Variants in CTNND2 observed in about 807,000 individuals in gnomAD.
CTNND2 encodes catenin delta-2.
Under a neutral mutation model 144.4 loss-of-function variants are expected in CTNND2, and 22 were observed. The ratio of observed to expected loss-of-function variants is 0.15; its 90% CI spans 0.11 to 0.22. The LOEUF (loss-of-function observed/expected upper bound fraction) is 0.22. Ranked by LOEUF, CTNND2 falls within the 10% of genes least tolerant of loss-of-function variation. The probability of loss-of-function intolerance (pLI) is 1.00; values close to 1 mark genes in which losing one functional copy is unlikely to be tolerated. For missense variants in CTNND2, 1,353 were observed against 1,618.8 expected, an observed-to-expected ratio of 0.84 and a Z score of 2.82; for synonymous variants, 751 against 695.6, an observed-to-expected ratio of 1.08 and a Z score of -1.25.
In CTNND2 at chr5:11,236,705, T is replaced by C. The variant is rs1164213113; in HGVS notation, c.1747A>G (p.Lys583Glu). The C allele has an allele frequency of 7.4e-6, 12 of 1,614,096 alleles. No individual in the cohort carries two copies. Among genetic ancestry groups the C allele is most frequent in the Non-Finnish European group, 1.0e-5 (12 of 1,180,036 alleles). ...GGAGCACTGACCTCGGCTTTAATTT[T>C]GTTGTCTCCAAAACAGAGGTGTTGC... ...YLQHLCFGDNKIKAEIRRQGG... is the reference protein window; with the variant it reads ...YLQHLCFGDNEIKAEIRRQGG... The change falls in exon 10 of 22, where the codon AAA becomes GAA. Residue 583 changes from lysine (K) to glutamate (E), a missense_variant. Transcript: ENST00000304623.
chr5:11,528,098 A>C lies in CTNND2; in HGVS notation c.287+36846T>G, dbSNP rs547391111. On this transcript the variant is annotated intron_variant, in intron 3 of 21. Coordinates refer to ENST00000304623, the MANE Select transcript of CTNND2 (RefSeq NM_001332.4). ...AAAGCTCGCGGGGGACTTATCAATCAATGTCATTTTCACAATGGGTCCCCA... is the reference window on the plus strand; with the variant it reads ...AAAGCTCGCGGGGGACTTATCAATCCATGTCATTTTCACAATGGGTCCCCA... Among the ~76,000 whole-genome samples, 13 of 152,326 alleles carry C rather than the reference A, an allele frequency of 8.5e-5. No homozygotes were observed. The East Asian group carries it at 2.3e-3, about 27-fold the overall frequency.
chr5:11,497,313 T>C (rs943569362), intron 3 of CTNND2, among the ~76,000 whole-genome samples: 1 of 151,776 alleles, frequency 6.6e-6, no homozygotes, highest in Non-Finnish European at 1.5e-5. Flanking sequence ...TGAGGTCTAA[T>C]GTGAAAGGTG....
chr5:11,634,955 T>C (rs1272109743), intron 2 of CTNND2, among the ~76,000 whole-genome samples: 4 of 152,002 alleles, frequency 2.6e-5, no homozygotes, highest in Non-Finnish European at 4.4e-5. Context: ...TGTCATCTAG[T>C]GGGCAGAAGA....
intron 18 of CTNND2, among the ~76,000 whole-genome samples, chr5:11,011,128 C>T (rs149488220): frequency 3.9e-5 from 6 of 152,352 alleles, no homozygotes; most frequent in Non-Finnish European, 8.8e-5. Flanking sequence ...TTTCTAACCC[C>T]ATTGCTTGTC....
chr5:11,528,755 G>T (rs139352671), intron 3 of CTNND2, among the ~76,000 whole-genome samples: 110 of 152,322 alleles, frequency 7.2e-4, no homozygotes, highest in African/African-American at 2.6e-3. Flanking sequence ...TGAACCAGGG[G>T]CCACAAAGGA....
At chr5:11,306,410 G>A (rs76185424) in intron 9 of CTNND2, among the ~76,000 whole-genome samples, 13 of 152,242 alleles carry the variant, frequency 8.5e-5, no homozygotes, top group Non-Finnish European at 1.6e-4. Flanking sequence ...TTCCATCAAG[G>A]CTGTTAGAAC....
At chr5:11,614,060 T>C (rs1366405) in intron 2 of CTNND2, among the ~76,000 whole-genome samples, 75,897 of 152,022 alleles carry the variant, frequency 0.5, 19,658 homozygotes, top group Middle Eastern at 0.69. Context: ...TAAAAAATTT[T>C]GAAAATTCTT....
rs142591725 is a variant in CTNND2 at position 10,980,981 on chromosome 5, G to A, written c.3417+792C>T. On this transcript the variant is annotated intron_variant, in intron 21 of 21. Coordinates refer to ENST00000304623, the MANE Select transcript of CTNND2 (RefSeq NM_001332.4). ...TGGGTGCAGAAAACCACCGTGGCAC[G>A]TGTATACCTATGTACCAAAACTGCA... Among the ~76,000 whole-genome samples the A allele has an allele frequency of 6.6e-5, 10 of 152,146 alleles. No homozygotes were observed. The East Asian group carries it at 1.9e-3, about 29-fold the overall frequency.
intron 2 of CTNND2, among the ~76,000 whole-genome samples, chr5:11,640,335 T>C (rs771317786): frequency 6.6e-6 from 1 of 152,238 alleles, no homozygotes. Flanking sequence ...TTACAGCTTA[T>C]GCAAGGTTCA....
intron 2 of CTNND2, among the ~76,000 whole-genome samples, chr5:11,680,221 C>G (rs1276205945): frequency 2.0e-5 from 3 of 152,078 alleles, no homozygotes; most frequent in Non-Finnish European, 2.9e-5. Flanking sequence ...ATCACCAACC[C>G]CTAAGGCAGC....
At chr5:11,450,898 C>CA (rs758941655) in intron 3 of CTNND2, among the ~76,000 whole-genome samples, 40,660 of 81,294 alleles carry the variant, frequency 0.5, 10,141 homozygotes, top group Non-Finnish European at 0.6. Flanking sequence ...AACTCCATCT[C>CA]AAAAAAAAAA....
rs190490503 is a variant in CTNND2 at position 11,492,111 on chromosome 5, A to G, written c.287+72833T>C. Among the ~76,000 whole-genome samples, 225 of 152,344 alleles carry G rather than the reference A, an allele frequency of 1.5e-3. 1 individual carries two copies. Among genetic ancestry groups the G allele is most frequent in the African/African-American group, 5.3e-3 (220 of 41,586 alleles). ...AAAGCTCATAACACAGAATACTACC[A>G]TGCACACATCCCATATATCGCTTTA... On this transcript the variant is annotated intron_variant, in intron 3 of 21. Transcript: ENST00000304623.
intron 3 of CTNND2, among the ~76,000 whole-genome samples, chr5:11,564,302 C>T (rs539197888): frequency 6.6e-6 from 1 of 152,338 alleles, no homozygotes; most frequent in Admixed American, 6.5e-5. Context: ...CTTTCACACA[C>T]ACATGCACAC....
chr5:11,604,306 C>T (rs974205644), intron 2 of CTNND2, among the ~76,000 whole-genome samples: 1 of 152,224 alleles, frequency 6.6e-6, no homozygotes, highest in African/African-American at 2.4e-5. Flanking sequence ...TTTACAAACT[C>T]TCTACTTGCT....
At chr5:11,022,728 A>C (rs1742398038) in intron 17 of CTNND2, 41 bp downstream of exon 17, 1 of 1,552,394 alleles carries the variant, frequency 6.4e-7, no homozygotes, top group East Asian at 2.2e-5. Context: ...TTCAGAACCA[A>C]TTTTACCAGG....
At position 11,098,753 on chromosome 5, in the gene CTNND2, C is replaced by A. The variant is rs61755690; in HGVS notation, c.2464-5G>T. On this transcript the variant is annotated splice_region_variant and splice_polypyrimidine_tract_variant and intron_variant, in intron 14 of 21. Transcript: ENST00000304623. ...AAGAGGTCCTACTCCATCCCACTGG[C>A]GGAAGAAAAACAAGAGAGCAAACAT... The A allele has an allele frequency of 1.2e-6, 2 of 1,609,834 alleles. No homozygotes were observed. The highest frequency in any genetic ancestry group is 1.7e-5 in the Admixed American group (1 of 58,966).
Position 11,624,670 on chromosome 5 carries a change from G to C in CTNND2, c.175-59614C>G, listed in dbSNP as rs1022492547. Reference sequence around the variant, plus strand: ...TTATCAAGAGTATCTTCTCTTAAAAGTGGCTTTTGTGATTTTGTTTTATAA... The same window carrying C: ...TTATCAAGAGTATCTTCTCTTAAAACTGGCTTTTGTGATTTTGTTTTATAA... On this transcript the variant is annotated intron_variant, in intron 2 of 21. Transcript: ENST00000304623. Among the ~76,000 whole-genome samples, 3 of 152,026 alleles carry C rather than the reference G, an allele frequency of 2.0e-5. No individual in the cohort carries two copies. In the East Asian group the frequency reaches 5.8e-4, roughly 29 times the overall value.
chr5:11,317,044 T>C (rs1170491480), intron 9 of CTNND2, among the ~76,000 whole-genome samples: 1 of 152,154 alleles, frequency 6.6e-6, no homozygotes, highest in Non-Finnish European at 1.5e-5. Context: ...AAGACATTTA[T>C]GCAGCCAAAA....
intron 1 of CTNND2, among the ~76,000 whole-genome samples, chr5:11,753,397 T>G (rs1169644522): frequency 6.6e-6 from 1 of 151,884 alleles, no homozygotes; most frequent in Non-Finnish European, 1.5e-5. Context: ...ATATTTAATT[T>G]TATTAAAAGC....
Sources: gnomAD v4.1 joint callset for allele counts (sites outside exome capture counted in the v4.1 genomes callset) on GRCh38, gnomAD v4.1.1 for gene constraint, MANE v1.5 for transcripts, NCBI Gene and HGNC (gene_info 2026-07-23, HGNC 2026-07-21) for gene names.